Variants in CRIM1 observed in about 807,000 individuals in gnomAD.
The protein encoded by CRIM1 is cysteine-rich motor neuron 1 protein.
In CRIM1, 32 loss-of-function variants were observed where a neutral mutation model predicts 116.4. That is an observed-to-expected ratio of 0.27 (90% CI 0.21 to 0.37). CRIM1 has a LOEUF of 0.37. CRIM1 is among the 10% of genes least tolerant of loss of function. The pLI, the probability that CRIM1 is intolerant of heterozygous loss-of-function variation, is 1.00. For missense variants in CRIM1, 1,331 were observed against 1,354.8 expected, an observed-to-expected ratio of 0.98 and a Z score of 0.28; for synonymous variants, 590 against 509.2, an observed-to-expected ratio of 1.16 and a Z score of -2.13.
intron 1 of CRIM1, among the ~76,000 whole-genome samples, chr2:36,393,990 T>C (rs879255867): frequency 6.6e-6 from 1 of 152,030 alleles, no homozygotes; most frequent in East Asian, 1.9e-4. Flanking sequence ...TCTGGGGACA[T>C]TGTGGGGAAT....
At chr2:36,389,382 G>A (rs1189073021) in intron 1 of CRIM1, among the ~76,000 whole-genome samples, 1 of 152,146 alleles carries the variant, frequency 6.6e-6, no homozygotes. Flanking sequence ...GGAGTTTTTA[G>A]GCTGGCATGA....
In CRIM1 at chr2:36,544,616, A is replaced by ATAAC. The variant is rs1667183208; in HGVS notation, c.2746+121_2746+124dup. On this transcript the variant is annotated intron_variant, in intron 15 of 16. Transcript: ENST00000280527. ...AAATGACTTGCTGAAGTAAATTCAAATAACTATTCCCGGGCAGACCTGCTT... is the reference window on the plus strand; with the variant it reads ...AAATGACTTGCTGAAGTAAATTCAAATAACTAACTATTCCCGGGCAGACCTGCTT... The ATAAC allele has an allele frequency of 1.0e-5, 11 of 1,092,210 alleles. No homozygotes were observed. The South Asian group carries it at 4.8e-4, about 48-fold the overall frequency. The allele number at this position is 1,092,210 out of a possible 1,614,324, so 67.7% of individuals were successfully genotyped here.
chr2:36,421,595 C>T (rs1276177054), intron 2 of CRIM1, among the ~76,000 whole-genome samples: 3 of 152,124 alleles, frequency 2.0e-5, no homozygotes, highest in African/African-American at 4.8e-5. Context: ...TACCAGCTGG[C>T]GAAAAAGCAG....
At chr2:36,420,546 C>G (rs944920462) in intron 2 of CRIM1, among the ~76,000 whole-genome samples, 1 of 152,204 alleles carries the variant, frequency 6.6e-6, no homozygotes, top group Non-Finnish European at 1.5e-5. Flanking sequence ...AGATCCCTTT[C>G]TCTTGCCATA....
Position 36,526,314 on chromosome 2 carries a change from T to TA in CRIM1, c.2428+4005dup, listed in dbSNP as rs576597512. Among the ~76,000 whole-genome samples, 14 of 152,316 alleles carry TA rather than the reference T, an allele frequency of 9.2e-5. No individual in the cohort carries two copies. The South Asian group carries it at 2.9e-3, about 32-fold the overall frequency. ...TTGACAAGTATGACGCAGGTGGAGA[T>TA]AAAAGGTCTGGTGGGAATTCTGATG... On this transcript the variant is annotated intron_variant, in intron 13 of 16. Coordinates refer to ENST00000280527, the MANE Select transcript of CRIM1 (RefSeq NM_016441.3).
chr2:36,525,366 A>G (rs1362102146), intron 13 of CRIM1, among the ~76,000 whole-genome samples: 2 of 152,140 alleles, frequency 1.3e-5, no homozygotes, highest in African/African-American at 2.4e-5. Context: ...TCTCTTATCA[A>G]CTAAGAAGTC....
At chr2:36,513,968 T>C (rs947321745) in intron 11 of CRIM1, among the ~76,000 whole-genome samples, 6 of 152,208 alleles carry the variant, frequency 3.9e-5, no homozygotes, top group Non-Finnish European at 8.8e-5. Flanking sequence ...AATTCTATCA[T>C]TGTAGAAATG....
intron 15 of CRIM1, among the ~76,000 whole-genome samples, chr2:36,545,549 C>T (rs1452470194): frequency 6.6e-6 from 1 of 152,152 alleles, no homozygotes; most frequent in Non-Finnish European, 1.5e-5. Context: ...ATGTATGCTT[C>T]TCCTAGGCAA....
intron 1 of CRIM1, among the ~76,000 whole-genome samples, chr2:36,379,376 T>C (rs1237200378): frequency 6.6e-6 from 1 of 152,222 alleles, no homozygotes. Context: ...TAAAATCTGA[T>C]CTTCATAAAA....
At chr2:36,527,575 A>G (rs1447177224) in intron 13 of CRIM1, among the ~76,000 whole-genome samples, 2 of 152,166 alleles carry the variant, frequency 1.3e-5, no homozygotes, top group Admixed American at 1.3e-4. Flanking sequence ...TAATAGGGAA[A>G]TGTCTATACC....
rs775202735 is a variant in CRIM1, at chr2:36,544,427, G to A, written c.2675G>A (p.Arg892Gln). 19 of 1,430,232 alleles carry A rather than the reference G, an allele frequency of 1.3e-5. No individual in the cohort carries two copies. The highest frequency in any genetic ancestry group is 2.5e-5 in the Admixed American group (1 of 39,932). 88.6% of individuals were successfully genotyped at this position (1,430,232 alleles called of 1,614,324 possible). ...TNIPIEKTNH[R>Q]GEVDLEVPLW... ...ATACCCATTGAGAAGACAAACCATC[G>A]AGGAGAGGTTGACCTGGAGGTTCCC... is the stretch of plus-strand genomic sequence containing the variant. Residue 892 changes from arginine to glutamine, a missense_variant, in exon 15 of 17, where the codon CGA (arginine) becomes CAA (glutamine). Physicochemically the swap from Arg to Gln is conservative, Grantham distance 43 (BLOSUM62 1). Around this residue, in one of 3 missense-constraint regions of CRIM1, gnomAD observed 283 missense variants for 242.8 expected, o/e 1.17. Coordinates refer to ENST00000280527, the MANE Select transcript of CRIM1 (RefSeq NM_016441.3).
chr2:36,443,714 A>G (rs1264029811), intron 4 of CRIM1, among the ~76,000 whole-genome samples: 1 of 152,232 alleles, frequency 6.6e-6, no homozygotes, highest in Non-Finnish European at 1.5e-5. Context: ...GATGTGGTCC[A>G]TAGGTAAGGT....
chr2:36,403,992 G>A (rs941323560), intron 2 of CRIM1, among the ~76,000 whole-genome samples: 1 of 152,068 alleles, frequency 6.6e-6, no homozygotes. Flanking sequence ...AGGAGTATGA[G>A]CATTTTTAGG....
At chr2:36,438,002 C>T (rs929142565) in intron 2 of CRIM1, among the ~76,000 whole-genome samples, 3 of 151,792 alleles carry the variant, frequency 2.0e-5, no homozygotes, top group Admixed American at 6.6e-5. Flanking sequence ...TGTGGTGGCA[C>T]GCACCCGTAG....
intron 13 of CRIM1, among the ~76,000 whole-genome samples, chr2:36,532,498 T>C (rs1230461256): frequency 6.6e-6 from 1 of 152,230 alleles, no homozygotes; most frequent in African/African-American, 2.4e-5. Flanking sequence ...TTGATAGCAC[T>C]GTGTGAGGTA....
chr2:36,506,603 G>A (rs1375034743), intron 8 of CRIM1, among the ~76,000 whole-genome samples: 1 of 152,022 alleles, frequency 6.6e-6, no homozygotes, highest in African/African-American at 2.4e-5. Flanking sequence ...CTACATAGTT[G>A]CTATCGACCG....
intron 2 of CRIM1, among the ~76,000 whole-genome samples, chr2:36,405,221 A>C (rs1441558183): frequency 6.6e-6 from 1 of 152,240 alleles, no homozygotes; most frequent in East Asian, 1.9e-4. Flanking sequence ...AAAACACCCA[A>C]GTAAATGTGA....
chr2:36,368,126 G>A (rs1194025749), intron 1 of CRIM1, among the ~76,000 whole-genome samples: 1 of 152,140 alleles, frequency 6.6e-6, no homozygotes. Context: ...CACTTGCCAG[G>A]GAGTTTCCTT....
intron 5 of CRIM1, among the ~76,000 whole-genome samples, chr2:36,467,252 T>C (rs1348594434): frequency 6.6e-6 from 1 of 152,212 alleles, no homozygotes; most frequent in Non-Finnish European, 1.5e-5. Context: ...TGTCTATTGA[T>C]ATATCAGTCA....
Sources: gnomAD v4.1 joint callset for allele counts (sites outside exome capture counted in the v4.1 genomes callset) on GRCh38, gnomAD v4.1.1 for gene constraint, gnomAD v4.1.1 regional missense constraint, MANE v1.5 for transcripts, NCBI Gene and HGNC (gene_info 2026-07-23, HGNC 2026-07-21) for gene names.